FIG4: variants seen among roughly 807,000 people sequenced by gnomAD.
FIG4 encodes FIG4 phosphoinositide 5-phosphatase, also known as polyphosphoinositide phosphatase.
Under a neutral mutation model 118.6 loss-of-function variants are expected in FIG4, and 112 were observed. The ratio of observed to expected loss-of-function variants is 0.94; its 90% confidence interval spans 0.81 to 1.11. The LOEUF (loss-of-function observed/expected upper bound fraction) is 1.11. Ranked by LOEUF, FIG4 falls within the 50% of genes least tolerant of loss-of-function variation. The pLI is 0.00. For missense variants in FIG4, 969 were observed against 1,111.7 expected (o/e 0.87, Z 1.83); for synonymous variants, 369 against 381.2 (o/e 0.97, Z 0.37).
At chr6:109,753,847 A>T (rs1200050769) in intron 10 of FIG4, among the ~76,000 whole-genome samples, 1 of 152,192 alleles carries the variant, frequency 6.6e-6, no homozygotes. Flanking sequence ...GAGCTGAGAC[A>T]ATAGGGTTTT....
chr6:109,763,255 C>T (rs141548611), intron 12 of FIG4, among the ~76,000 whole-genome samples: 9 of 152,340 alleles, frequency 5.9e-5, no homozygotes, highest in Admixed American at 3.3e-4. Flanking sequence ...ATGGTGGAAA[C>T]CCTCCTGAAA....
intron 1 of FIG4, among the ~76,000 whole-genome samples, chr6:109,703,618 T>C (rs114440635): frequency 6.6e-6 from 1 of 152,132 alleles, no homozygotes; most frequent in Non-Finnish European, 1.5e-5. Flanking sequence ...GGACCAGAGG[T>C]GTCCACTCCT....
At chr6:109,693,422 T>TTA (rs1774610408) in intron 1 of FIG4, among the ~76,000 whole-genome samples, 3 of 152,152 alleles carry the variant, frequency 2.0e-5, no homozygotes, top group Non-Finnish European at 2.9e-5. Context: ...AGTCTCTCAA[T>TTA]AGATGTGGAT....
chr6:109,776,856 A>C, intron 15 of FIG4, 66 bp from the exon 16 acceptor site: 1 of 1,325,808 alleles, frequency 7.5e-7, no homozygotes, highest in Non-Finnish European at 1.1e-6. Flanking sequence ...CCTCCTAAGA[A>C]AATATTCTCT....
rs1778133834 is a variant in FIG4 at position 109,791,453 on chromosome 6, C to G, written c.2258C>G (p.Ala753Gly). The part of the protein sequence containing the change: ...ASAPPPPSEE[A>G]VSSSSEDDSG... ...GCCCCGCCGCCCCCCAGCGAGGAGG[C>G]TGTGTCCAGCAGCTCTGAGGATGAC... Residue 753 changes from alanine to glycine, a missense_variant, in exon 20 of 23, where the codon GCT (alanine) becomes GGT (glycine). Around this residue, in one of 3 missense-constraint regions of FIG4, gnomAD observed 330 missense variants for 348.1 expected, o/e 0.95. Coordinates refer to ENST00000230124, the MANE Select transcript of FIG4 (RefSeq NM_014845.6). 2 of 1,613,812 alleles carry G rather than the reference C, an allele frequency of 1.2e-6. No individual in the cohort carries two copies. The highest frequency in any genetic ancestry group is 1.7e-5 in the Admixed American group (1 of 60,016).
At position 109,691,516 on chromosome 6, in the gene FIG4, G is replaced by A. The variant is rs1486428048; in HGVS notation, c.66+15G>A. 1.3e-6 allele frequency: 2 copies of A among 1,564,948 alleles called. No individual in the cohort carries two copies. The highest frequency in any genetic ancestry group is 1.7e-6 in the Non-Finnish European group (2 of 1,153,838). On this transcript the variant is annotated intron_variant, in intron 1 of 22. Transcript: ENST00000230124. ...AGACTAGAGCTGTGAGTACCCCCTC[G>A]CGGCGGGGCGCAGGCGGGAGGATGG...
intron 3 of FIG4, among the ~76,000 whole-genome samples, chr6:109,724,233 G>A (rs897510306): frequency 6.6e-6 from 1 of 152,036 alleles, no homozygotes; most frequent in African/African-American, 2.4e-5. Flanking sequence ...TTTGTTTTAA[G>A]TTTCTTAGTC....
intron 18 of FIG4, among the ~76,000 whole-genome samples, chr6:109,788,486 C>T (rs187787127): frequency 2.5e-4 from 38 of 152,262 alleles, no homozygotes; most frequent in African/African-American, 4.8e-4. Context: ...AATTAAGAAG[C>T]GGAGTACCCC....
Position 109,735,143 on chromosome 6 carries a change from T to C in FIG4, c.498-7T>C. The C allele has an allele frequency of 6.2e-7, 1 of 1,610,986 alleles. No individual in the cohort carries two copies. Among genetic ancestry groups the C allele is most frequent in the Non-Finnish European group, 8.5e-7 (1 of 1,177,530 alleles). On this transcript the variant is annotated splice_region_variant and splice_polypyrimidine_tract_variant and intron_variant, in intron 5 of 22. Transcript: ENST00000230124. The stretch of plus-strand genomic sequence containing the variant: ...TAATTCTTATTAAGTTTCAATTCTG[T>C]TCTCAGTTACAGCTATGATTTGTCC...
chr6:109,781,407 A>G (rs1197718756), intron 16 of FIG4, among the ~76,000 whole-genome samples: 1 of 152,110 alleles, frequency 6.6e-6, no homozygotes, highest in Non-Finnish European at 1.5e-5. Context: ...TCCTCTGTGT[A>G]TATTCCAGTT....
intron 4 of FIG4, among the ~76,000 whole-genome samples, chr6:109,732,192 C>T (rs1201836462): frequency 3.3e-5 from 5 of 152,184 alleles, no homozygotes; most frequent in Admixed American, 2.6e-4. Context: ...TCATGAGTGA[C>T]AGAAATGTGA....
At chr6:109,741,894 A>G (rs1471438324) in intron 8 of FIG4, among the ~76,000 whole-genome samples, 1 of 152,132 alleles carries the variant, frequency 6.6e-6, no homozygotes, top group African/African-American at 2.4e-5. Flanking sequence ...AATGACAATA[A>G]AAAAGGTCTG....
At chr6:109,745,194 C>G (rs1397117828) in intron 10 of FIG4, among the ~76,000 whole-genome samples, 1 of 152,120 alleles carries the variant, frequency 6.6e-6, no homozygotes, top group Non-Finnish European at 1.5e-5. Context: ...ATTTCTAGTT[C>G]TAGATCCTTG....
At chr6:109,705,156 G>A (rs116291217) in intron 1 of FIG4, among the ~76,000 whole-genome samples, 4,016 of 152,122 alleles carry the variant, frequency 0.026, 74 homozygotes, top group African/African-American at 0.054. Context: ...AAACTTTAGG[G>A]AAATTTTTAA....
intron 16 of FIG4, among the ~76,000 whole-genome samples, 194 bp downstream of exon 16, chr6:109,777,254 C>T (rs1408617111): frequency 2.0e-5 from 3 of 151,964 alleles, no homozygotes; most frequent in African/African-American, 7.3e-5. Context: ...TACAGGCATG[C>T]AATGGGAAGG....
chr6:109,724,523 T>G, intron 3 of FIG4, among the ~76,000 whole-genome samples: 1 of 152,192 alleles, frequency 6.6e-6, no homozygotes, highest in African/African-American at 2.4e-5. Context: ...CACATATCTT[T>G]TTATGTGGAC....
intron 16 of FIG4, among the ~76,000 whole-genome samples, chr6:109,783,052 G>A (rs1244161564): frequency 6.6e-6 from 1 of 152,170 alleles, no homozygotes; most frequent in African/African-American, 2.4e-5. Flanking sequence ...TTAAAAGTGG[G>A]AGCTGAATGA....
chr6:109,784,993 A>G lies in FIG4; in HGVS notation c.1913A>G (p.Glu638Gly), dbSNP rs766573405. The G allele has an allele frequency of 1.9e-6, 3 of 1,566,748 alleles. No individual in the cohort carries two copies. The highest frequency in any genetic ancestry group is 3.3e-5 in the Admixed American group (2 of 59,786). Residue 638 changes from glutamate (E) to glycine (G), a missense_variant, in exon 17 of 23, where the codon GAG becomes GGG. Coordinates refer to ENST00000230124, the MANE Select transcript of FIG4 (RefSeq NM_014845.6). ...AGTTATACTTACTGGTGGACACCAG[A>G]GGTGATAAAGCATTTACCATTGCCC... is the stretch of plus-strand genomic sequence containing the variant. ...RRSYTYWWTPEVIKHLPLPYD... is the reference protein window; with the variant it reads ...RRSYTYWWTPGVIKHLPLPYD...
At chr6:109,738,950 A>G (rs1776242895) in intron 7 of FIG4, among the ~76,000 whole-genome samples, 1 of 152,082 alleles carries the variant, frequency 6.6e-6, no homozygotes, top group Non-Finnish European at 1.5e-5. Context: ...AGTGGGAAGG[A>G]GATTGGTATG....
Sources: allele counts gnomAD v4.1 joint callset (sites outside exome capture counted in the v4.1 genomes callset), GRCh38; gene constraint gnomAD v4.1.1; regional missense constraint gnomAD v4.1.1; transcripts MANE v1.5; gene names NCBI Gene and HGNC (gene_info 2026-07-23, HGNC 2026-07-21).